The following GRHL3 variants were observed in gnomAD, a reference collection of about 807,000 sequenced individuals.
GRHL3 encodes the protein grainyhead-like protein 3 homolog.
In GRHL3, 20 loss-of-function variants were observed where a neutral mutation model predicts 70.3. That is an observed-to-expected ratio of 0.28 (90% confidence interval 0.20 to 0.41). The LOEUF is 0.41. Ranked by LOEUF, GRHL3 falls within the 10% of genes least tolerant of loss-of-function variation. The pLI is 1.00. For synonymous variants in GRHL3, 299 were observed against 299.9 expected, an observed-to-expected ratio of 1.00 and a Z score of 0.03; for missense variants, 637 against 762.3, an observed-to-expected ratio of 0.84 and a Z score of 1.94.
chr1:24,328,362 T>A (rs775957730), intron 1 of GRHL3, among the ~76,000 whole-genome samples: 3 of 152,296 alleles, frequency 2.0e-5, no homozygotes, highest in Admixed American at 2.0e-4. Flanking sequence ...GTAGATGAGA[T>A]GACACACAAA....
Position 24,337,792 on chromosome 1 carries a change from G to A in GRHL3, c.840+3G>A, listed in dbSNP as rs1298478673. 2 of 1,614,152 alleles carry A rather than the reference G, an allele frequency of 1.2e-6. No homozygotes were observed. Among genetic ancestry groups the A allele is most frequent in the Non-Finnish European group, 1.7e-6 (2 of 1,180,024 alleles). ...CCTTGTCCTCCAACAAAGTCAAGGTGCGTTGGCCTGGAGCAGCTTCAGAAG... is the reference window on the plus strand; with the variant it reads ...CCTTGTCCTCCAACAAAGTCAAGGTACGTTGGCCTGGAGCAGCTTCAGAAG... On this transcript the variant is annotated splice_donor_region_variant and intron_variant, in intron 6 of 15. Transcript: ENST00000361548.
At chr1:24,358,959 C>A (rs529612193), downstream of GRHL3, among the ~76,000 whole-genome samples, 14 of 152,310 alleles carry the variant, frequency 9.2e-5, no homozygotes, top group South Asian at 2.7e-3. Context: ...TTGTTTTGAT[C>A]TAGTTCAGGG....
intron 1 of GRHL3, among the ~76,000 whole-genome samples, chr1:24,328,233 G>A (rs1005313812): frequency 6.6e-6 from 1 of 152,252 alleles, no homozygotes; most frequent in Non-Finnish European, 1.5e-5. Context: ...AGTTCAAGCT[G>A]AGCCTCCATC....
At chr1:24,338,177 TACTC>T (rs1639901137) in intron 7 of GRHL3, 74 bp downstream of exon 7, 6 of 987,804 alleles carry the variant, frequency 6.1e-6, no homozygotes, top group Non-Finnish European at 9.0e-6. Flanking sequence ...GCCTTTTTCT[TACTC>T]ACCCCTGTTT....
chr1:24,346,300 C>T (rs1238105929), intron 12 of GRHL3, among the ~76,000 whole-genome samples: 3 of 152,176 alleles, frequency 2.0e-5, no homozygotes, highest in Non-Finnish European at 4.4e-5. Context: ...TTCTCATCAT[C>T]CCATTTTATA....
downstream of GRHL3, chr1:24,358,059 G>C (rs1313951534): frequency 2.7e-6 from 1 of 373,874 alleles, no homozygotes; most frequent in African/African-American, 2.1e-5. Context: ...TACCGTAAGT[G>C]AGTGAGGTCA....
At chr1:24,358,932 G>A (rs1640905636), downstream of GRHL3, among the ~76,000 whole-genome samples, 1 of 152,210 alleles carries the variant, frequency 6.6e-6, no homozygotes, top group Non-Finnish European at 1.5e-5. Context: ...GAAGCAAGGT[G>A]TTAGCTTCAT....
At chr1:24,356,336 G>A (rs549573919), downstream of GRHL3, among the ~76,000 whole-genome samples, 6 of 151,362 alleles carry the variant, frequency 4.0e-5, no homozygotes, top group South Asian at 2.1e-4. Context: ...TCCGCCTCCC[G>A]GGTTCACGCC....
At position 24,355,274 on chromosome 1, in the gene GRHL3, G is replaced by A. The variant is rs753020032; in HGVS notation, c.*786G>A. 4 of 152,438 alleles carry A rather than the reference G, an allele frequency of 2.6e-5. No individual in the cohort carries two copies. The highest frequency in any genetic ancestry group is 2.1e-4 in the South Asian group (1 of 4,820). 9.4% of individuals were successfully genotyped at this position (152,438 alleles called of 1,614,324 possible). ...TCAGTGATGCATTTTGTATACTCACGTGGTATTTAGTAATAAAAATCTATC... is the reference window on the plus strand; with the variant it reads ...TCAGTGATGCATTTTGTATACTCACATGGTATTTAGTAATAAAAATCTATC... On this transcript the variant is annotated 3_prime_UTR_variant, in exon 16 of 16. Transcript: ENST00000361548.
At position 24,346,646 on chromosome 1, in the gene GRHL3, C is replaced by A. The variant is rs750041276; in HGVS notation, c.1543+5C>A. ...AGGAAGGCGACCTTCAGAGAGGTGA[C>A]CTCCCGCCCTCCTCATTTACTCACC... On this transcript the variant is annotated splice_donor_5th_base_variant and intron_variant, in intron 13 of 15. Transcript: ENST00000361548. 6.2e-7 allele frequency: 1 copy of A among 1,604,462 alleles called. No individual in the cohort carries two copies. Among genetic ancestry groups the A allele is most frequent in the East Asian group, 2.2e-5 (1 of 44,654 alleles).
At chr1:24,333,959 A>T (rs577246152) in intron 2 of GRHL3, among the ~76,000 whole-genome samples, 1 of 152,242 alleles carries the variant, frequency 6.6e-6, no homozygotes, top group African/African-American at 2.4e-5. Flanking sequence ...CTCACTTGAC[A>T]TATGAAGAAA....
intron 15 of GRHL3, among the ~76,000 whole-genome samples, chr1:24,353,879 T>C (rs1640613038): frequency 6.6e-6 from 1 of 152,128 alleles, no homozygotes; most frequent in Admixed American, 6.5e-5. Context: ...TCCTGAGATT[T>C]CAGCTTCCTG....
chr1:24,361,623 G>GGGAGGCA (rs1291832487), intron 15 of GRHL3, among the ~76,000 whole-genome samples: 3 of 152,220 alleles, frequency 2.0e-5, no homozygotes, highest in Admixed American at 6.5e-5. Context: ...TATCATCCTG[G>GGGAGGCA]GGAGGCAGGA....
rs1377174259 is a variant in GRHL3 at position 24,342,906 on chromosome 1, C to A, written c.1300C>A (p.Leu434Met). ...DSSNSGVKGCLLSGFRGNETT... is the reference protein window; with the variant it reads ...DSSNSGVKGCMLSGFRGNETT... ...TCTCCCATCAGGCGTCAAGGGCTGC[C>A]TGCTGTCGGGCTTCAGGGGCAATGA... Residue 434 changes from leucine to methionine, a missense_variant, in exon 11 of 16, where the codon CTG (leucine) becomes ATG (methionine). By Grantham distance (15) the Leu-to-Met change is conservative. Transcript: ENST00000361548. The surrounding 1 kb of genome is among the most constrained non-coding windows in gnomAD (Gnocchi z 4.8). 1 of 1,614,192 alleles carries A rather than the reference C, an allele frequency of 6.2e-7. No individual in the cohort carries two copies. The highest frequency in any genetic ancestry group is 1.1e-5 in the South Asian group (1 of 91,076).
rs769777340 is a variant in GRHL3 at position 24,319,715 on chromosome 1, C to A, written c.17+147C>A. The A allele has an allele frequency of 1.6e-5, 25 of 1,577,162 alleles. No individual in the cohort carries two copies. The South Asian group carries it at 2.8e-4, about 18-fold the overall frequency. ...GAATGGGCTGACGATCTTACTTTGGCGTGTCAAGGCAAGCCCCAGTCTCAA... is the reference window on the plus strand; with the variant it reads ...GAATGGGCTGACGATCTTACTTTGGAGTGTCAAGGCAAGCCCCAGTCTCAA... On this transcript the variant is annotated intron_variant, in intron 1 of 15. Coordinates refer to ENST00000361548, the MANE Select transcript of GRHL3 (RefSeq NM_198173.3).
rs1368700380 is a variant in GRHL3 at position 24,321,711 on chromosome 1, TC to T, written c.17+2145del. On this transcript the variant is annotated intron_variant, in intron 1 of 15. Coordinates refer to ENST00000361548, the MANE Select transcript of GRHL3 (RefSeq NM_198173.3). The surrounding 1 kb of genome is among the most constrained non-coding windows in gnomAD (Gnocchi z 4.0). ...CTCCCAAATGTGGACCAGAGCTCCA[TC>T]CGCGCCCGCCCGGTGGCCAGGCCCC... 11 of 152,290 alleles carry T rather than the reference TC, an allele frequency of 7.2e-5. No homozygotes were observed. The highest frequency in any genetic ancestry group is 7.3e-5 in the Non-Finnish European group (5 of 68,088). 9.4% of individuals were successfully genotyped at this position (152,290 alleles called of 1,614,324 possible).
At chr1:24,358,535 T>C (rs759435827), downstream of GRHL3, 2 of 1,611,374 alleles carry the variant, frequency 1.2e-6, no homozygotes, top group Admixed American at 3.3e-5. Context: ...TGACCTTGTG[T>C]GACATCCCTA....
chr1:24,360,503 T>A (rs1641035168), intron 15 of GRHL3, among the ~76,000 whole-genome samples: 1 of 152,180 alleles, frequency 6.6e-6, no homozygotes, highest in Non-Finnish European at 1.5e-5. Context: ...TTTCTGACAC[T>A]CTGACAAAAG....
intron 3 of GRHL3, among the ~76,000 whole-genome samples, chr1:24,335,282 T>C (rs1442022496): frequency 1.3e-5 from 2 of 152,248 alleles, no homozygotes; most frequent in Non-Finnish European, 2.9e-5. Flanking sequence ...CTTCTTCCCC[T>C]GGCATTAGTG....
Sources: gnomAD v4.1 joint callset for allele counts (sites outside exome capture counted in the v4.1 genomes callset) on GRCh38, gnomAD v4.1.1 for gene constraint, Gnocchi (gnomAD v3.1) non-coding constraint, MANE v1.5 for transcripts, NCBI Gene and HGNC (gene_info 2026-07-23, HGNC 2026-07-21) for gene names.